Variants in MED12L observed in about 807,000 individuals in gnomAD.
The protein encoded by MED12L is mediator complex subunit 12L.
MED12L carries 60 observed loss-of-function variants against 281.3 expected under a neutral mutation model. The observed-to-expected ratio is 0.21, with a 90% CI of 0.17 to 0.26. MED12L has a LOEUF of 0.26. MED12L is among the 10% of genes least tolerant of loss of function. The pLI, the probability that MED12L is intolerant of heterozygous loss-of-function variation, is 1.00. For synonymous variants in MED12L, 974 were observed against 987.2 expected (o/e 0.99, Z 0.25); for missense variants, 2,146 against 2,680.9 (o/e 0.80, Z 4.41).
At chr3:151,173,767 T>A (rs1272563673) in intron 11 of MED12L, among the ~76,000 whole-genome samples, 3 of 152,158 alleles carry the variant, frequency 2.0e-5, no homozygotes, top group Non-Finnish European at 2.9e-5. Flanking sequence ...ACTAATAGAA[T>A]CCACTTCGTG....
intron 2 of MED12L, among the ~76,000 whole-genome samples, chr3:151,100,010 A>G (rs957113161): frequency 2.6e-5 from 4 of 152,226 alleles, no homozygotes; most frequent in African/African-American, 9.7e-5. Flanking sequence ...CCAAAGAGAC[A>G]GTTAACATCG....
chr3:151,153,410 C>T (rs1315704519), intron 5 of MED12L, among the ~76,000 whole-genome samples: 1 of 152,128 alleles, frequency 6.6e-6, no homozygotes, highest in Admixed American at 6.5e-5. Flanking sequence ...TCAACAACTA[C>T]ACATGTATTC....
chr3:151,394,853 C>G lies in MED12L; in HGVS notation c.5806C>G (p.Arg1936Gly), dbSNP rs771033584. 6.2e-7 allele frequency: 1 copy of G among 1,614,048 alleles called. No homozygotes were observed. Among genetic ancestry groups the G allele is most frequent in the South Asian group, 1.1e-5 (1 of 91,058 alleles). ...QQRLLRQAQT[R>G]PFQQGQPGDQ... ...GCGACTTCTCAGGCAAGCCCAGACT[C>G]GGCCTTTCCAACAGGTTTGTCCAGA... Residue 1936 changes from arginine (R) to glycine (G), a missense_variant, in exon 39 of 45, where the codon CGG becomes GGG. Around this residue, in one of 9 missense-constraint regions of MED12L, gnomAD observed 496 missense variants for 512.0 expected, o/e 0.97. Transcript: ENST00000687756.
intron 16 of MED12L, among the ~76,000 whole-genome samples, chr3:151,197,539 A>G (rs910865832): frequency 1.3e-5 from 2 of 152,142 alleles, no homozygotes; most frequent in Non-Finnish European, 2.9e-5. Context: ...CCTGTGCTAC[A>G]TTCCTAACAC....
At chr3:151,164,826 G>A (rs1025508566) in intron 9 of MED12L, among the ~76,000 whole-genome samples, 2 of 151,936 alleles carry the variant, frequency 1.3e-5, no homozygotes, top group African/African-American at 4.8e-5. Context: ...CACAGGAAGG[G>A]GAACATCACA....
chr3:151,429,258 G>A (rs1015279820), intron 43 of MED12L, among the ~76,000 whole-genome samples: 1 of 152,192 alleles, frequency 6.6e-6, no homozygotes, highest in African/African-American at 2.4e-5. Flanking sequence ...GTGCTCCTAT[G>A]CTCCAGTCTC....
At chr3:151,190,981 G>A (rs534638479) in intron 14 of MED12L, 50 bp downstream of exon 14, 3 of 1,534,352 alleles carry the variant, frequency 2.0e-6, no homozygotes, top group African/African-American at 2.7e-5. Context: ...AAACTCTACT[G>A]GGAACCATGT....
At chr3:151,375,725 A>C (rs560575712) in intron 27 of MED12L, among the ~76,000 whole-genome samples, 4 of 152,204 alleles carry the variant, frequency 2.6e-5, no homozygotes, top group Non-Finnish European at 5.9e-5. Flanking sequence ...ACTGACACAA[A>C]ATAGTGCCTA....
chr3:151,367,470 T>C (rs1378050464), intron 23 of MED12L, among the ~76,000 whole-genome samples, 176 bp from the exon 24 acceptor site: 3 of 152,250 alleles, frequency 2.0e-5, no homozygotes, highest in African/African-American at 7.2e-5. Context: ...TTCATTGTTT[T>C]ATAAAATAGA....
intron 26 of MED12L, 137 bp from the exon 27 acceptor site, chr3:151,372,430 A>G (rs967795655): frequency 1.5e-6 from 1 of 652,378 alleles, no homozygotes; most frequent in South Asian, 1.9e-5. Context: ...CATTCTCTCT[A>G]TTCCTGAACA....
At chr3:151,177,063 T>C (rs767437481) in intron 11 of MED12L, among the ~76,000 whole-genome samples, 13 of 152,238 alleles carry the variant, frequency 8.5e-5, no homozygotes, top group Non-Finnish European at 1.5e-4. Flanking sequence ...CTAGGTGATA[T>C]CATATGAGCA....
intron 2 of MED12L, among the ~76,000 whole-genome samples, chr3:151,108,764 G>T (rs1560054143): frequency 6.6e-6 from 1 of 152,130 alleles, no homozygotes; most frequent in Non-Finnish European, 1.5e-5. Context: ...TGCGATAGAG[G>T]GTGACGCTCA....
intron 16 of MED12L, among the ~76,000 whole-genome samples, chr3:151,279,266 A>T (rs1742419040): frequency 6.6e-6 from 1 of 152,236 alleles, no homozygotes; most frequent in African/African-American, 2.4e-5. Context: ...AACAACTAGT[A>T]AAGTTCAGCT....
In MED12L at chr3:151,135,112, C is replaced by T. The variant is rs545145150; in HGVS notation, c.556+7128C>T. Among the ~76,000 whole-genome samples the T allele has an allele frequency of 3.3e-5, 5 of 151,184 alleles. No individual in the cohort carries two copies. In the East Asian group the frequency reaches 5.9e-4, roughly 18 times the overall value. On this transcript the variant is annotated intron_variant, in intron 5 of 44. Transcript: ENST00000687756. ...TGTGATCTCGGCTCACGCCAACCTCCGCTCTCAGGTTCAAGCAATTCTCCC... is the reference window on the plus strand; with the variant it reads ...TGTGATCTCGGCTCACGCCAACCTCTGCTCTCAGGTTCAAGCAATTCTCCC...
Position 151,409,317 on chromosome 3 carries a change from G to T in MED12L, c.5895G>T (p.Gly1965=), listed in dbSNP as rs1258675026. ...CCCCTCAGCTCCCTCAGTATCCAGG[G>T]CTGCAGCAAGCACAGGTACCCACAT... ...RPSPQLPQYP[G]LQQAQTMPQG... The change falls in exon 40 of 45, where the codon GGG becomes GGT. Residue 1965 remains glycine (G), a synonymous_variant. Coordinates refer to ENST00000687756, the MANE Select transcript of MED12L (RefSeq NM_001393769.1). 4 of 1,613,896 alleles carry T rather than the reference G, an allele frequency of 2.5e-6. No homozygotes were observed. The highest frequency in any genetic ancestry group is 3.4e-6 in the Non-Finnish European group (4 of 1,180,030).
chr3:151,430,606 T>C (rs1388191853), intron 44 of MED12L, among the ~76,000 whole-genome samples: 2 of 150,186 alleles, frequency 1.3e-5, no homozygotes, highest in Non-Finnish European at 3.0e-5. Context: ...GTGAAGATAC[T>C]TTCTTTTTGC....
rs1450810898 is a variant in MED12L at position 151,188,698 on chromosome 3, G to C, written c.1753+218G>C. Among the ~76,000 whole-genome samples, 11 of 152,284 alleles carry C rather than the reference G, an allele frequency of 7.2e-5. No homozygotes were observed. The South Asian group carries it at 1.7e-3, about 23-fold the overall frequency. On this transcript the variant is annotated intron_variant, in intron 13 of 44. Coordinates refer to ENST00000687756, the MANE Select transcript of MED12L (RefSeq NM_001393769.1). ...AAAGACTTTAAAATAATTGTTAAAA[G>C]TCACCTCACTCCTTCATGTAAGGAA... is the stretch of plus-strand genomic sequence containing the variant.
At chr3:151,421,065 C>T (rs1050653570) in intron 43 of MED12L, among the ~76,000 whole-genome samples, 3 of 152,134 alleles carry the variant, frequency 2.0e-5, no homozygotes, top group Non-Finnish European at 4.4e-5. Flanking sequence ...CAGTGGTGGC[C>T]GTAGCCAGGT....
At chr3:151,205,679 G>A (rs1244059135) in intron 16 of MED12L, among the ~76,000 whole-genome samples, 1 of 152,074 alleles carries the variant, frequency 6.6e-6, no homozygotes, top group East Asian at 1.9e-4. Context: ...TCTTACAGAT[G>A]GGGAAACTGT....
Sources: allele counts gnomAD v4.1 joint callset (sites outside exome capture counted in the v4.1 genomes callset), GRCh38; gene constraint gnomAD v4.1.1; regional missense constraint gnomAD v4.1.1; transcripts MANE v1.5; gene names NCBI Gene and HGNC (gene_info 2026-07-23, HGNC 2026-07-21).